PTN: variants seen among roughly 807,000 people sequenced by gnomAD.
PTN encodes pleiotrophin, also known as heparin affin regulatory protein.
PTN carries 18 observed loss-of-function variants against 24.1 expected under a neutral mutation model. The observed-to-expected ratio is 0.75, with a 90% CI of 0.52 to 1.11. PTN has a LOEUF of 1.11. PTN is among the 50% of genes least tolerant of loss of function. PTN has a pLI of 0.00. For missense variants in PTN, 163 were observed against 198.8 expected (o/e 0.82, Z 1.08); for synonymous variants, 78 against 68.6 (o/e 1.14, Z -0.67).
intron 1 of PTN, 133 bp downstream of exon 1, chr7:137,343,306 C>T: frequency 2.7e-6 from 1 of 365,540 alleles, no homozygotes; most frequent in South Asian, 2.0e-5. Flanking sequence ...GAAAGCAGTC[C>T]TATCAGCAAA....
chr7:137,228,637 T>C (rs1010104669), intron 4 of PTN, among the ~76,000 whole-genome samples: 1 of 151,838 alleles, frequency 6.6e-6, no homozygotes, highest in Non-Finnish European at 1.5e-5. Flanking sequence ...CTATAAACCA[T>C]ATGTACTCTC....
chr7:137,238,465 C>T (rs1808562874), intron 4 of PTN, among the ~76,000 whole-genome samples: 1 of 152,136 alleles, frequency 6.6e-6, no homozygotes, highest in African/African-American at 2.4e-5. Flanking sequence ...AAGCTCAGGC[C>T]AGAAATTATC....
chr7:137,253,215 G>C lies in PTN; in HGVS notation c.289+249C>G, dbSNP rs115892191. 4.3e-3 allele frequency among the ~76,000 whole-genome samples: 655 copies of C among 152,192 alleles called. 4 individuals are homozygous for C. Among genetic ancestry groups the C allele is most frequent in the African/African-American group, 0.015 (630 of 41,524 alleles). On this transcript the variant is annotated intron_variant, in intron 3 of 4. Transcript: ENST00000348225. The stretch of plus-strand genomic sequence containing the variant: ...GAGACATTTTTAGTTTTCACATCTG[G>C]AGCGGGTGAGGAATGCTACCGGAAA...
chr7:137,324,324 G>C (rs1228850421), intron 1 of PTN, among the ~76,000 whole-genome samples: 3 of 149,364 alleles, frequency 2.0e-5, no homozygotes, highest in Non-Finnish European at 3.0e-5. Flanking sequence ...AAGCCCAGGA[G>C]TGAATTCCTG....
intron 1 of PTN, among the ~76,000 whole-genome samples, chr7:137,262,501 G>A (rs935387239): frequency 1.3e-5 from 2 of 151,972 alleles, no homozygotes; most frequent in Admixed American, 6.5e-5. Context: ...TTTTGAAACA[G>A]TAGGTTACTG....
chr7:137,336,017 A>G (rs1244641119), intron 1 of PTN, among the ~76,000 whole-genome samples: 2 of 149,954 alleles, frequency 1.3e-5, no homozygotes, highest in Non-Finnish European at 2.9e-5. Context: ...AGTCAAACTT[A>G]CCTTCAAGCA....
intron 1 of PTN, among the ~76,000 whole-genome samples, chr7:137,267,649 G>A (rs1249553741): frequency 6.6e-6 from 1 of 151,974 alleles, no homozygotes; most frequent in Admixed American, 6.6e-5. Flanking sequence ...TTCCTAGTGG[G>A]GTGGGCTTAG....
intron 1 of PTN, among the ~76,000 whole-genome samples, chr7:137,274,243 C>G (rs1363322659): frequency 6.6e-6 from 1 of 152,168 alleles, no homozygotes; most frequent in Non-Finnish European, 1.5e-5. Flanking sequence ...TCCTCCTTCA[C>G]TACTCACTGA....
Position 137,324,433 on chromosome 7 carries a change from A to AAAAAAAAAAAAAAAAATATATAT in PTN, c.-2+19005_-2+19006insATATATATTTTTTTTTTTTTTTT. On this transcript the variant is annotated intron_variant, in intron 1 of 4. Coordinates refer to ENST00000348225, the MANE Select transcript of PTN (RefSeq NM_002825.7). Reference sequence around the variant, plus strand: ...CCCTGTCTCTAAAAAAAAAAAAAAAAATATATATATATATATATAAATTAA... The same window carrying AAAAAAAAAAAAAAAAATATATAT: ...CCCTGTCTCTAAAAAAAAAAAAAAAAAAAAAAAAAAAAAAAATATATATATATATATATATATATATAAATTAA... Among the ~76,000 whole-genome samples, 40 of 88,746 alleles carry AAAAAAAAAAAAAAAAATATATAT rather than the reference A, an allele frequency of 4.5e-4. 1 individual carries two copies. Among genetic ancestry groups the AAAAAAAAAAAAAAAAATATATAT allele is most frequent in the African/African-American group, 2.6e-3 (38 of 14,468 alleles). The allele number at this position is 88,746 out of a possible 152,430, so 58.2% of individuals were successfully genotyped here. A position where few individuals can be genotyped will look rare whatever the true frequency, so the allele number is the denominator to read the frequency against.
At chr7:137,307,298 A>G (rs1229611525) in intron 1 of PTN, among the ~76,000 whole-genome samples, 1 of 152,066 alleles carries the variant, frequency 6.6e-6, no homozygotes, top group Non-Finnish European at 1.5e-5. Flanking sequence ...GTTTCTTTTT[A>G]GGGCAACTCA....
chr7:137,300,148 T>G (rs1809784042), intron 1 of PTN, among the ~76,000 whole-genome samples: 1 of 151,902 alleles, frequency 6.6e-6, no homozygotes, highest in South Asian at 2.1e-4. Context: ...GATAGAACAT[T>G]GATATTACAT....
chr7:137,313,819 T>A (rs1172627726), intron 1 of PTN, among the ~76,000 whole-genome samples: 2 of 152,194 alleles, frequency 1.3e-5, no homozygotes, highest in Non-Finnish European at 2.9e-5. Context: ...CCGATAAGCT[T>A]CATTTAATCC....
At chr7:137,266,046 G>A (rs1032987547) in intron 1 of PTN, among the ~76,000 whole-genome samples, 2 of 151,930 alleles carry the variant, frequency 1.3e-5, no homozygotes, top group African/African-American at 4.8e-5. Context: ...ATAAAACCTT[G>A]TAGACATATT....
chr7:137,332,894 T>A (rs538690831), intron 1 of PTN, among the ~76,000 whole-genome samples: 1 of 152,310 alleles, frequency 6.6e-6, no homozygotes, highest in African/African-American at 2.4e-5. Flanking sequence ...AAAAAAGCCA[T>A]ATTCACATCA....
chr7:137,239,414 T>C (rs1808583786), intron 4 of PTN, among the ~76,000 whole-genome samples: 1 of 129,718 alleles, frequency 7.7e-6, no homozygotes, highest in South Asian at 2.2e-4. Context: ...TTATTTATTA[T>C]TATACTTTAA....
At chr7:137,333,306 A>G (rs1465285384) in intron 1 of PTN, among the ~76,000 whole-genome samples, 1 of 152,152 alleles carries the variant, frequency 6.6e-6, no homozygotes, top group Non-Finnish European at 1.5e-5. Context: ...AGCCAAATAA[A>G]CTTTTTTCTT....
intron 1 of PTN, among the ~76,000 whole-genome samples, chr7:137,303,782 T>G (rs1466593956): frequency 6.6e-6 from 1 of 152,046 alleles, no homozygotes; most frequent in African/African-American, 2.4e-5. Flanking sequence ...TCAGTTTAAC[T>G]ATGAGACAAC....
intron 1 of PTN, among the ~76,000 whole-genome samples, chr7:137,299,869 GA>G (rs1334151878): frequency 6.6e-6 from 1 of 151,912 alleles, no homozygotes; most frequent in African/African-American, 2.4e-5. Flanking sequence ...CCCCAGGTAA[GA>G]GGCATTACTC....
intron 1 of PTN, among the ~76,000 whole-genome samples, chr7:137,315,533 C>T (rs1230453528): frequency 1.3e-5 from 2 of 152,154 alleles, no homozygotes; most frequent in Non-Finnish European, 2.9e-5. Flanking sequence ...GTCACAGTTT[C>T]ATCAGTTCTC....
Sources: allele counts gnomAD v4.1 joint callset (sites outside exome capture counted in the v4.1 genomes callset), GRCh38; gene constraint gnomAD v4.1.1; transcripts MANE v1.5; gene names NCBI Gene and HGNC (gene_info 2026-07-23, HGNC 2026-07-21).